CLYBL: variants seen among roughly 807,000 people sequenced by gnomAD.
CLYBL encodes the protein citramalyl-CoA lyase.
A neutral mutation model predicts 38.9 loss-of-function variants in CLYBL; 31 were observed. The observed-to-expected ratio is 0.80, with a 90% CI of 0.60 to 1.08. The LOEUF is 1.08. Among genes scored for constraint, CLYBL ranks in the 50% least tolerant of loss-of-function variants. The pLI is 0.00. For missense variants in CLYBL, 434 were observed against 411.6 expected, an observed-to-expected ratio of 1.05 and a Z score of -0.47; for synonymous variants, 171 against 158.6, an observed-to-expected ratio of 1.08 and a Z score of -0.59.
At chr13:99,613,031 A>G (rs897016047) in intron 1 of CLYBL, among the ~76,000 whole-genome samples, 2,062 of 90,070 alleles carry the variant, frequency 0.023, 48 homozygotes, top group African/African-American at 0.11. Flanking sequence ...TGATGATAAT[A>G]ATAATAATAA....
intron 2 of CLYBL, among the ~76,000 whole-genome samples, chr13:99,791,959 G>A (rs2049926518): frequency 6.6e-6 from 1 of 151,990 alleles, no homozygotes; most frequent in South Asian, 2.1e-4. Context: ...CCCCTCAATG[G>A]TAGACAAAGA....
At chr13:99,852,969 T>C (rs9517899) in intron 2 of CLYBL, among the ~76,000 whole-genome samples, 100,455 of 152,082 alleles carry the variant, frequency 0.66, 33,358 homozygotes, top group East Asian at 0.78. Context: ...TACTCCTGCA[T>C]GCATATGAAT....
chr13:99,637,675 T>A (rs1156485754), intron 1 of CLYBL, among the ~76,000 whole-genome samples: 5 of 152,176 alleles, frequency 3.3e-5, no homozygotes, highest in Non-Finnish European at 4.4e-5. Context: ...GGAGAATTGC[T>A]TGAACCCAGG....
At chr13:99,647,677 A>G (rs967487512) in intron 1 of CLYBL, among the ~76,000 whole-genome samples, 1 of 152,226 alleles carries the variant, frequency 6.6e-6, no homozygotes, top group African/African-American at 2.4e-5. Flanking sequence ...GCAGAGGGCA[A>G]GAAGCATCTT....
intron 1 of CLYBL, among the ~76,000 whole-genome samples, chr13:99,656,128 G>T (rs942311935): frequency 6.6e-6 from 1 of 151,726 alleles, no homozygotes; most frequent in African/African-American, 2.4e-5. Flanking sequence ...GAGGCTTTTT[G>T]GCTTTTTAGT....
At chr13:99,880,500 C>T (rs2052177405) in intron 7 of CLYBL, among the ~76,000 whole-genome samples, 1 of 152,204 alleles carries the variant, frequency 6.6e-6, no homozygotes, top group Non-Finnish European at 1.5e-5. Flanking sequence ...AAAAGGCATT[C>T]CTGGATTCAA....
At chr13:99,876,467 G>A (rs866663540) in intron 7 of CLYBL, among the ~76,000 whole-genome samples, 6 of 149,510 alleles carry the variant, frequency 4.0e-5, no homozygotes, top group Admixed American at 6.7e-5. Context: ...AGATTAAATC[G>A]GACAATGTTT....
chr13:99,844,788 A>T (rs903718692), intron 2 of CLYBL, among the ~76,000 whole-genome samples: 5 of 152,178 alleles, frequency 3.3e-5, no homozygotes, highest in African/African-American at 1.2e-4. Flanking sequence ...TTTCCCTGAA[A>T]GTCTTCCCCA....
chr13:99,773,689 G>T (rs950182821), intron 2 of CLYBL, among the ~76,000 whole-genome samples: 2 of 152,106 alleles, frequency 1.3e-5, no homozygotes, highest in African/African-American at 4.8e-5. Flanking sequence ...TAAAATTGTG[G>T]TGTAAGATTT....
chr13:99,627,097 C>T (rs1330835458), intron 1 of CLYBL, among the ~76,000 whole-genome samples: 9 of 151,872 alleles, frequency 5.9e-5, no homozygotes, highest in African/African-American at 2.2e-4. Context: ...GTGATCATTT[C>T]ATTTTTTAAT....
chr13:99,807,691 G>A (rs529356615), intron 2 of CLYBL, among the ~76,000 whole-genome samples: 121 of 152,116 alleles, frequency 8.0e-4, no homozygotes, highest in Middle Eastern at 3.4e-3. Flanking sequence ...GTAGGAAGAG[G>A]AAAAATGTTC....
At chr13:99,642,857 C>A (rs886427772) in intron 1 of CLYBL, among the ~76,000 whole-genome samples, 5 of 152,112 alleles carry the variant, frequency 3.3e-5, no homozygotes, top group Admixed American at 6.6e-5. Context: ...CTCCCAGGCT[C>A]AAACCATCCT....
intron 1 of CLYBL, among the ~76,000 whole-genome samples, chr13:99,758,163 G>A (rs1294014505): frequency 6.6e-6 from 1 of 152,118 alleles, no homozygotes; most frequent in Non-Finnish European, 1.5e-5. Flanking sequence ...TGACAATTTT[G>A]AAAAGCTCCC....
intron 1 of CLYBL, among the ~76,000 whole-genome samples, chr13:99,752,902 G>A (rs1334729314): frequency 6.6e-6 from 1 of 152,140 alleles, no homozygotes; most frequent in Non-Finnish European, 1.5e-5. Flanking sequence ...TCTGAACCCA[G>A]TGGAAGACAG....
At chr13:99,685,972 AAAAG>A (rs1325175441) in intron 1 of CLYBL, among the ~76,000 whole-genome samples, 2 of 152,160 alleles carry the variant, frequency 1.3e-5, no homozygotes, top group Admixed American at 1.3e-4. Flanking sequence ...AAAAAAAAGA[AAAAG>A]AATCTCATAG....
At chr13:99,653,478 C>T (rs540905233) in intron 1 of CLYBL, among the ~76,000 whole-genome samples, 8 of 152,288 alleles carry the variant, frequency 5.3e-5, no homozygotes, top group African/African-American at 1.9e-4. Flanking sequence ...GGGTCTCTGC[C>T]TCCCTCTACT....
At chr13:99,721,408 C>G (rs2048390526) in intron 1 of CLYBL, among the ~76,000 whole-genome samples, 1 of 151,316 alleles carries the variant, frequency 6.6e-6, no homozygotes, top group African/African-American at 2.4e-5. Flanking sequence ...CTGTTTTTTT[C>G]CTTCTAAATC....
intron 1 of CLYBL, among the ~76,000 whole-genome samples, chr13:99,724,331 C>T (rs1052608054): frequency 2.0e-5 from 3 of 152,084 alleles, no homozygotes; most frequent in Non-Finnish European, 4.4e-5. Flanking sequence ...TCAAGCCTTC[C>T]GTTATGAATC....
intron 1 of CLYBL, among the ~76,000 whole-genome samples, chr13:99,619,652 G>T (rs2046764782): frequency 6.6e-6 from 1 of 152,180 alleles, no homozygotes; most frequent in East Asian, 1.9e-4. Context: ...CTCCTGGATA[G>T]ATACTCTGGG....
Sources: allele counts gnomAD v4.1 joint callset (sites outside exome capture counted in the v4.1 genomes callset), GRCh38; gene constraint gnomAD v4.1.1; transcripts MANE v1.5; gene names NCBI Gene and HGNC (gene_info 2026-07-23, HGNC 2026-07-21).